PTPRT: variants seen among roughly 807,000 people sequenced by gnomAD.
The protein encoded by PTPRT is receptor-type tyrosine-protein phosphatase T.
In PTPRT, 56 loss-of-function variants were observed where a neutral mutation model predicts 176.8. The ratio of observed to expected loss-of-function variants is 0.32; its 90% CI spans 0.26 to 0.40. The LOEUF (loss-of-function observed/expected upper bound fraction) is 0.40, where lower values mean the gene tolerates loss of function less well. Among genes scored for constraint, PTPRT ranks in the 10% least tolerant of loss-of-function variants. PTPRT has a pLI of 1.00. For synonymous variants in PTPRT, 783 were observed against 739.0 expected (o/e 1.06, Z -0.96); for missense variants, 1,540 against 1,908.2 (o/e 0.81, Z 3.60).
chr20:42,920,240 G>A (rs748834586), intron 1 of PTPRT, among the ~76,000 whole-genome samples: 2 of 152,148 alleles, frequency 1.3e-5, no homozygotes, highest in African/African-American at 2.4e-5. Flanking sequence ...ATTAATATAC[G>A]CAACAAGATG....
chr20:43,085,989 C>A (rs2011593371), intron 1 of PTPRT, among the ~76,000 whole-genome samples: 1 of 152,024 alleles, frequency 6.6e-6, no homozygotes. Flanking sequence ...AAAGACATTT[C>A]AAGGAAACAG....
chr20:42,350,871 G>A, intron 10 of PTPRT, 141 bp from the exon 11 acceptor site: 1 of 641,060 alleles, frequency 1.6e-6, no homozygotes, highest in Non-Finnish European at 2.7e-6. Context: ...AAGCCTTCCA[G>A]GCCTTCAGTA....
intron 27 of PTPRT, among the ~76,000 whole-genome samples, chr20:42,086,748 A>G (rs1253657907): frequency 2.6e-5 from 2 of 76,444 alleles, no homozygotes; most frequent in Admixed American, 2.7e-4. Flanking sequence ...AAAAAAAAAA[A>G]AAAAAATATA....
intron 9 of PTPRT, among the ~76,000 whole-genome samples, chr20:42,377,663 C>A (rs2058664299): frequency 6.6e-6 from 1 of 152,188 alleles, no homozygotes; most frequent in South Asian, 2.1e-4. Flanking sequence ...AAACCTCAAC[C>A]TAACAAACGA....
intron 6 of PTPRT, among the ~76,000 whole-genome samples, chr20:42,724,715 T>C (rs909825752): frequency 6.6e-6 from 1 of 152,200 alleles, no homozygotes; most frequent in East Asian, 1.9e-4. Context: ...GGAGGATCAC[T>C]TGAGGCCAGG....
chr20:42,814,857 C>G (rs1332719590), intron 2 of PTPRT, among the ~76,000 whole-genome samples: 1 of 152,076 alleles, frequency 6.6e-6, no homozygotes, highest in Non-Finnish European at 1.5e-5. Context: ...TTTAAACACG[C>G]AAGCTTGTGG....
intron 7 of PTPRT, among the ~76,000 whole-genome samples, chr20:42,488,628 G>A (rs975145182): frequency 4.6e-5 from 7 of 151,790 alleles, no homozygotes; most frequent in Non-Finnish European, 1.0e-4. Context: ...TTTTGTTCAT[G>A]ATAATCTCTA....
At chr20:42,936,052 A>C (rs1368266144) in intron 1 of PTPRT, among the ~76,000 whole-genome samples, 1 of 152,242 alleles carries the variant, frequency 6.6e-6, no homozygotes, top group East Asian at 1.9e-4. Context: ...CTAAATGCTA[A>C]GTGAACAAAG....
intron 1 of PTPRT, among the ~76,000 whole-genome samples, chr20:43,069,064 A>C (rs892782717): frequency 9.2e-5 from 14 of 152,186 alleles, no homozygotes; most frequent in Admixed American, 9.2e-4. Flanking sequence ...AAAGGAAGTG[A>C]GATTCCAAAG....
intron 1 of PTPRT, among the ~76,000 whole-genome samples, chr20:42,914,398 G>C (rs1434878253): frequency 1.3e-5 from 2 of 152,144 alleles, no homozygotes; most frequent in Non-Finnish European, 2.9e-5. Context: ...TTGTATGAAT[G>C]ACTCATCAAA....
At chr20:42,931,456 T>C (rs957982686) in intron 1 of PTPRT, among the ~76,000 whole-genome samples, 6 of 152,214 alleles carry the variant, frequency 3.9e-5, no homozygotes, top group African/African-American at 1.4e-4. Context: ...ACGCAGTCTA[T>C]GCATTTTGTC....
intron 6 of PTPRT, among the ~76,000 whole-genome samples, chr20:42,749,764 C>T (rs934490034): frequency 2.0e-5 from 3 of 152,144 alleles, no homozygotes; most frequent in South Asian, 4.1e-4. Context: ...CTCCATAAAC[C>T]TTTATTAAGC....
intron 6 of PTPRT, among the ~76,000 whole-genome samples, chr20:42,726,066 A>ATTT (rs899760872): frequency 3.3e-5 from 4 of 119,752 alleles, no homozygotes; most frequent in African/African-American, 1.2e-4. Flanking sequence ...CTTTATTATT[A>ATTT]TTATTATTAT....
At chr20:42,188,457 A>C (rs1223274301) in intron 16 of PTPRT, among the ~76,000 whole-genome samples, 2 of 152,154 alleles carry the variant, frequency 1.3e-5, no homozygotes, top group Non-Finnish European at 2.9e-5. Context: ...CAAGTTACTT[A>C]AGTTCTCTGA....
At chr20:42,564,503 C>T (rs1479700770) in intron 7 of PTPRT, among the ~76,000 whole-genome samples, 1 of 152,170 alleles carries the variant, frequency 6.6e-6, no homozygotes, top group African/African-American at 2.4e-5. Context: ...CGCATGTTTT[C>T]ACTCATAAGT....
intron 7 of PTPRT, among the ~76,000 whole-genome samples, chr20:42,498,762 C>A (rs1021309368): frequency 4.6e-5 from 7 of 152,150 alleles, no homozygotes; most frequent in African/African-American, 1.7e-4. Context: ...TGACTCAACT[C>A]TTCAGGAAGA....
chr20:42,892,667 G>A (rs73271780), intron 1 of PTPRT, among the ~76,000 whole-genome samples: 1 of 152,116 alleles, frequency 6.6e-6, no homozygotes, highest in African/African-American at 2.4e-5. Context: ...ATCCATAGCT[G>A]GTGCTGAAAG....
intron 7 of PTPRT, among the ~76,000 whole-genome samples, chr20:42,542,402 A>G (rs1336929147): frequency 6.6e-6 from 1 of 152,184 alleles, no homozygotes; most frequent in Non-Finnish European, 1.5e-5. Context: ...AGGGGGAAAA[A>G]AAATACAAAT....
intron 7 of PTPRT, among the ~76,000 whole-genome samples, chr20:42,628,963 T>C (rs915254967): frequency 1.2e-4 from 19 of 152,042 alleles, no homozygotes; most frequent in Non-Finnish European, 4.4e-5. Flanking sequence ...AGTAGCAGAG[T>C]CAAAGATTCA....
Sources: allele counts gnomAD v4.1 joint callset (sites outside exome capture counted in the v4.1 genomes callset), GRCh38; gene constraint gnomAD v4.1.1; transcripts MANE v1.5; gene names NCBI Gene and HGNC (gene_info 2026-07-23, HGNC 2026-07-21).